Variants in CNTN5 observed in about 807,000 individuals in gnomAD.
CNTN5 encodes contactin 5.
A neutral mutation model predicts 129.1 loss-of-function variants in CNTN5; 77 were observed. The observed-to-expected ratio is 0.60, with a 90% CI of 0.50 to 0.72. CNTN5 has a LOEUF of 0.72. Among genes scored for constraint, CNTN5 ranks in the 30% least tolerant of loss-of-function variants. The pLI is 0.00. For missense variants in CNTN5, 1,478 were observed against 1,328.8 expected (o/e 1.11, Z -1.75); for synonymous variants, 509 against 465.6 (o/e 1.09, Z -1.20).
At chr11:100,224,837 G>T in intron 16 of CNTN5, 25 bp downstream of exon 16, 1 of 1,610,130 alleles carries the variant, frequency 6.2e-7, no homozygotes, top group Non-Finnish European at 8.5e-7. Context: ...AGTGCAGTCT[G>T]AAGACATGAT....
chr11:99,282,164 T>C (rs1863728343), intron 1 of CNTN5, among the ~76,000 whole-genome samples: 1 of 152,076 alleles, frequency 6.6e-6, no homozygotes, highest in Non-Finnish European at 1.5e-5. Flanking sequence ...AGTACAATTT[T>C]TCCTACAATA....
chr11:99,888,392 T>G (rs1392265594), intron 6 of CNTN5, among the ~76,000 whole-genome samples: 1 of 152,094 alleles, frequency 6.6e-6, no homozygotes, highest in Non-Finnish European at 1.5e-5. Context: ...TTGACAAAGT[T>G]GAAATGTTGA....
chr11:100,127,682 G>T (rs1302607737), intron 13 of CNTN5, among the ~76,000 whole-genome samples: 5 of 108,926 alleles, frequency 4.6e-5, no homozygotes, highest in Non-Finnish European at 3.5e-5. Context: ...TTTTGAGATG[G>T]AGTCTCTCTC....
At chr11:99,995,326 T>TTA (rs552166342) in intron 8 of CNTN5, among the ~76,000 whole-genome samples, 9 of 147,802 alleles carry the variant, frequency 6.1e-5, no homozygotes, top group African/African-American at 2.0e-4. Flanking sequence ...GCCAAAAAAT[T>TTA]AAAAAAAAAA....
intron 3 of CNTN5, among the ~76,000 whole-genome samples, chr11:99,673,748 C>T (rs1953149578): frequency 1.7e-5 from 2 of 120,480 alleles, no homozygotes; most frequent in African/African-American, 3.0e-5. Context: ...CTTCCAGCTC[C>T]ACCTGTGTCC....
Position 99,466,032 on chromosome 11 carries a change from C to T in CNTN5, c.-70-90113C>T, listed in dbSNP as rs1478130904. On this transcript the variant is annotated intron_variant, in intron 2 of 24. Transcript: ENST00000524871. ...GAGTAGCTGGGACTACAGGTGTCCG[C>T]CACCATGCCCTGCTCAATTTTTTGT... is the stretch of plus-strand genomic sequence containing the variant. Among the ~76,000 whole-genome samples, 4 of 152,064 alleles carry T rather than the reference C, an allele frequency of 2.6e-5. No individual in the cohort carries two copies. In the East Asian group the frequency reaches 5.8e-4, roughly 22 times the overall value.
chr11:99,296,864 A>G (rs1864411454), intron 1 of CNTN5, among the ~76,000 whole-genome samples: 1 of 152,218 alleles, frequency 6.6e-6, no homozygotes, highest in African/African-American at 2.4e-5. Context: ...TACCAAAGGT[A>G]ACCTCCCAGG....
At chr11:100,031,040 C>G (rs1446846973) in intron 9 of CNTN5, among the ~76,000 whole-genome samples, 1 of 152,160 alleles carries the variant, frequency 6.6e-6, no homozygotes. Context: ...CCTACACTTT[C>G]CACTGCACAG....
intron 1 of CNTN5, among the ~76,000 whole-genome samples, chr11:99,287,661 G>C (rs754337124): frequency 6.6e-6 from 1 of 152,026 alleles, no homozygotes; most frequent in Admixed American, 6.6e-5. Flanking sequence ...ACTCATCATA[G>C]TGAATAGATA....
chr11:99,809,391 G>A (rs967996379), intron 3 of CNTN5, among the ~76,000 whole-genome samples: 1 of 151,980 alleles, frequency 6.6e-6, no homozygotes, highest in South Asian at 2.1e-4. Flanking sequence ...AAGATTGTAT[G>A]TTTTATTATA....
At chr11:99,551,915 T>A (rs1255205389) in intron 2 of CNTN5, among the ~76,000 whole-genome samples, 2 of 151,690 alleles carry the variant, frequency 1.3e-5, no homozygotes, top group Non-Finnish European at 2.9e-5. Context: ...TTTTTCTTTT[T>A]TTTTTTTTTT....
At chr11:100,278,425 G>C (rs184078859) in intron 18 of CNTN5, among the ~76,000 whole-genome samples, 2 of 151,976 alleles carry the variant, frequency 1.3e-5, no homozygotes, top group African/African-American at 4.8e-5. Flanking sequence ...TAACAATATT[G>C]TTTCTTACAA....
At chr11:99,830,344 A>G (rs1947099643) in intron 4 of CNTN5, among the ~76,000 whole-genome samples, 1 of 152,162 alleles carries the variant, frequency 6.6e-6, no homozygotes, top group Non-Finnish European at 1.5e-5. Flanking sequence ...GTCTTCTGAC[A>G]ATTGGATGAT....
intron 1 of CNTN5, among the ~76,000 whole-genome samples, chr11:99,040,062 A>G (rs1286925667): frequency 2.0e-5 from 3 of 152,138 alleles, no homozygotes; most frequent in Non-Finnish European, 4.4e-5. Flanking sequence ...TTACCTAGCA[A>G]ATATTTGCTC....
chr11:99,802,330 A>C (rs1297621535), intron 3 of CNTN5, among the ~76,000 whole-genome samples: 1 of 152,172 alleles, frequency 6.6e-6, no homozygotes, highest in Admixed American at 6.5e-5. Context: ...TGTGGAGTAC[A>C]CAGTTTTCTG....
chr11:99,751,536 C>T (rs1204974047), intron 3 of CNTN5, among the ~76,000 whole-genome samples: 2 of 152,086 alleles, frequency 1.3e-5, no homozygotes, highest in Non-Finnish European at 2.9e-5. Flanking sequence ...GGAGAATTTA[C>T]CCACCTCTCT....
At position 99,968,669 on chromosome 11, in the gene CNTN5, T is replaced by C. The variant is rs967312716; in HGVS notation, c.877+11660T>C. On this transcript the variant is annotated intron_variant, in intron 8 of 24. Transcript: ENST00000524871. ...TAGCTTTGGGTACTTTTTTTTTTTT[T>C]TTTTTTTTTTTTTTTTTGTATTTCC... is the stretch of plus-strand genomic sequence containing the variant. 4.6e-3 allele frequency among the ~76,000 whole-genome samples: 611 copies of C among 132,896 alleles called. 7 individuals carry two copies. The highest frequency in any genetic ancestry group is 0.015 in the Middle Eastern group (4 of 264). 87.2% of individuals were successfully genotyped at this position (132,896 alleles called of 152,430 possible).
chr11:100,029,658 G>T (rs566333820), intron 9 of CNTN5, among the ~76,000 whole-genome samples: 40 of 152,268 alleles, frequency 2.6e-4, no homozygotes, highest in African/African-American at 9.1e-4. Flanking sequence ...AGGTAAATTT[G>T]AGTCTGCTAT....
intron 1 of CNTN5, among the ~76,000 whole-genome samples, chr11:99,287,789 C>A (rs1444731189): frequency 1.3e-5 from 2 of 151,574 alleles, no homozygotes; most frequent in Non-Finnish European, 2.9e-5. Flanking sequence ...ATATGACTAA[C>A]TCATGTCTCT....
Sources: gnomAD v4.1 joint callset for allele counts (sites outside exome capture counted in the v4.1 genomes callset) on GRCh38, gnomAD v4.1.1 for gene constraint, MANE v1.5 for transcripts, NCBI Gene and HGNC (gene_info 2026-07-23, HGNC 2026-07-21) for gene names.